Variants in MELK observed in about 807,000 individuals in gnomAD.
MELK encodes the protein maternal embryonic leucine zipper kinase.
In MELK, 81 loss-of-function variants were observed where a neutral mutation model predicts 85.0. The ratio of observed to expected loss-of-function variants is 0.95; its 90% CI spans 0.80 to 1.15. The LOEUF is 1.15. Among genes scored for constraint, MELK ranks in the 50% most tolerant of loss-of-function variants. The pLI is 0.00. For missense variants in MELK, 754 were observed against 777.5 expected, an observed-to-expected ratio of 0.97 and a Z score of 0.36; for synonymous variants, 252 against 265.0, an observed-to-expected ratio of 0.95 and a Z score of 0.48.
At chr9:36,593,092 AC>A (rs1823798345) in intron 4 of MELK, among the ~76,000 whole-genome samples, 1 of 150,868 alleles carries the variant, frequency 6.6e-6, no homozygotes, top group Admixed American at 6.6e-5. Context: ...TCAGCATAAT[AC>A]TTTTGTAAGC....
At chr9:36,575,608 G>GA (rs904358604) in intron 1 of MELK, among the ~76,000 whole-genome samples, 10 of 146,934 alleles carry the variant, frequency 6.8e-5, no homozygotes, top group Admixed American at 2.7e-4. Context: ...AAGAAAGAAA[G>GA]AAAAAAAAAA....
intron 17 of MELK, among the ~76,000 whole-genome samples, chr9:36,675,451 C>G (rs1375488816): frequency 6.6e-6 from 1 of 152,198 alleles, no homozygotes; most frequent in Non-Finnish European, 1.5e-5. Flanking sequence ...TATTGTCCCA[C>G]TTTATTTCAA....
intron 13 of MELK, among the ~76,000 whole-genome samples, chr9:36,658,262 C>T (rs1025036031): frequency 2.6e-5 from 4 of 151,766 alleles, no homozygotes; most frequent in African/African-American, 7.3e-5. Flanking sequence ...TCTGGTACTC[C>T]CCTTCCATGT....
chr9:36,581,852 A>G, intron 2 of MELK, 113 bp downstream of exon 2: 4 of 747,362 alleles, frequency 5.4e-6, no homozygotes, highest in South Asian at 4.3e-5. Flanking sequence ...AAATTCTTCT[A>G]CCTACTTCAG....
chr9:36,592,903 C>T (rs1444932254), intron 4 of MELK, among the ~76,000 whole-genome samples: 2 of 152,108 alleles, frequency 1.3e-5, no homozygotes, highest in Non-Finnish European at 2.9e-5. Context: ...ATCTCTATCA[C>T]CTCAGAAAGT....
chr9:36,651,071 A>T (rs534308958), intron 11 of MELK, among the ~76,000 whole-genome samples: 73 of 152,358 alleles, frequency 4.8e-4, no homozygotes, highest in Middle Eastern at 6.8e-3. Flanking sequence ...TTGTTAAAAT[A>T]TTAGTGTATT....
chr9:36,633,465 A>C (rs1828839898), intron 10 of MELK, among the ~76,000 whole-genome samples: 1 of 152,180 alleles, frequency 6.6e-6, no homozygotes, highest in Admixed American at 6.5e-5. Flanking sequence ...TCTCATGTGC[A>C]GTCAGTCACA....
intron 16 of MELK, among the ~76,000 whole-genome samples, chr9:36,672,369 T>A (rs143019679): frequency 3.6e-4 from 55 of 152,264 alleles, no homozygotes; most frequent in African/African-American, 1.3e-3. Flanking sequence ...AAATGTTAAA[T>A]AAAATTAAGG....
At chr9:36,584,788 G>T (rs1204433655) in intron 3 of MELK, among the ~76,000 whole-genome samples, 1 of 146,212 alleles carries the variant, frequency 6.8e-6, no homozygotes, top group Non-Finnish European at 1.5e-5. Context: ...CACAATCACA[G>T]CTCACTGCAG....
At chr9:36,614,058 G>A (rs1249305206) in intron 8 of MELK, among the ~76,000 whole-genome samples, 2 of 151,876 alleles carry the variant, frequency 1.3e-5, no homozygotes, top group Admixed American at 6.6e-5. Flanking sequence ...ATAAGAGATG[G>A]TGGCAGTGGA....
chr9:36,658,433 A>G (rs1831466565), intron 13 of MELK, among the ~76,000 whole-genome samples: 1 of 151,958 alleles, frequency 6.6e-6, no homozygotes, highest in Non-Finnish European at 1.5e-5. Flanking sequence ...CCTCTAGTGA[A>G]TTTTTTGTTA....
At chr9:36,639,285 A>T (rs557744317) in intron 10 of MELK, among the ~76,000 whole-genome samples, 1 of 152,216 alleles carries the variant, frequency 6.6e-6, no homozygotes, top group African/African-American at 2.4e-5. Context: ...CAAATGAATT[A>T]TATACAGGAG....
intron 8 of MELK, among the ~76,000 whole-genome samples, chr9:36,616,074 G>C (rs962597499): frequency 3.3e-5 from 5 of 152,258 alleles, no homozygotes; most frequent in East Asian, 1.9e-4. Flanking sequence ...GGCGGCGCTC[G>C]CCGGCGCGGT....
intron 7 of MELK, among the ~76,000 whole-genome samples, chr9:36,606,209 A>G (rs1372502323): frequency 6.6e-6 from 1 of 150,832 alleles, no homozygotes; most frequent in Non-Finnish European, 1.5e-5. Context: ...ATATACATAT[A>G]TATTTGAGGT....
chr9:36,600,863 TGGGAACTGTTTCC>T (rs1824848050), intron 7 of MELK, among the ~76,000 whole-genome samples: 1 of 152,206 alleles, frequency 6.6e-6, no homozygotes, highest in Non-Finnish European at 1.5e-5. Flanking sequence ...AATGAGAAGA[TGGGAACTGTTTCC>T]GGTGACTTTT....
At chr9:36,579,088 C>T (rs1391640628) in intron 1 of MELK, among the ~76,000 whole-genome samples, 3 of 151,998 alleles carry the variant, frequency 2.0e-5, no homozygotes, top group Admixed American at 2.0e-4. Flanking sequence ...AGTGCAGTGG[C>T]ACGATCTCGG....
chr9:36,622,841 T>C lies in MELK; in HGVS notation c.667-7458T>C, dbSNP rs550708537. 5.9e-5 allele frequency among the ~76,000 whole-genome samples: 9 copies of C among 152,336 alleles called. No individual in the cohort carries two copies. In the South Asian group the frequency reaches 1.2e-3, roughly 21 times the overall value. ...AGTGTGAAAAACAATTTCAAGCCAC[T>C]GGAATTCCCAGGATTATTTTGCTTA... On this transcript the variant is annotated intron_variant, in intron 8 of 17. Transcript: ENST00000298048.
chr9:36,588,968 T>G (rs1349957873), intron 3 of MELK, among the ~76,000 whole-genome samples: 1 of 152,180 alleles, frequency 6.6e-6, no homozygotes, highest in Non-Finnish European at 1.5e-5. Flanking sequence ...TTTTCCTTGT[T>G]TGGAATGCTA....
intron 8 of MELK, among the ~76,000 whole-genome samples, chr9:36,613,742 T>A (rs1468178530): frequency 1.3e-5 from 2 of 152,136 alleles, no homozygotes; most frequent in Admixed American, 1.3e-4. Context: ...GAGCAAAGAC[T>A]GGGAGGTAGG....
Sources: gnomAD v4.1 joint callset for allele counts (sites outside exome capture counted in the v4.1 genomes callset) on GRCh38, gnomAD v4.1.1 for gene constraint, MANE v1.5 for transcripts, NCBI Gene and HGNC (gene_info 2026-07-23, HGNC 2026-07-21) for gene names.